PHF19: variants seen among roughly 807,000 people sequenced by gnomAD.
PHF19 encodes the protein polycomb like 3.
Under a neutral mutation model 79.8 loss-of-function variants are expected in PHF19, and 21 were observed. The observed-to-expected ratio is 0.26, with a 90% CI of 0.19 to 0.38. PHF19 has a LOEUF of 0.38. Among genes scored for constraint, PHF19 ranks in the 10% least tolerant of loss-of-function variants. The pLI, the probability that PHF19 is intolerant of heterozygous loss-of-function variation, is 1.00. For missense variants in PHF19, 445 were observed against 744.2 expected, an observed-to-expected ratio of 0.60 and a Z score of 4.68; for synonymous variants, 273 against 296.3, an observed-to-expected ratio of 0.92 and a Z score of 0.81.
At position 120,860,950 on chromosome 9, in the gene PHF19, T is replaced by G. The variant is rs2045503701; in HGVS notation, c.1304+139A>C. On this transcript the variant is annotated intron_variant, in intron 13 of 14. Coordinates refer to ENST00000373896, the MANE Select transcript of PHF19 (RefSeq NM_015651.3). The surrounding 1 kb of genome is among the most constrained non-coding windows in gnomAD (Gnocchi z 4.1). ...TGTGGTGCTCTGGGAACAGGGATGT[T>G]ATGCTGAAAGCTCTACTGCAAAAAG... 2 of 650,288 alleles carry G rather than the reference T, an allele frequency of 3.1e-6. No homozygotes were observed. The highest frequency in any genetic ancestry group is 5.7e-6 in the Non-Finnish European group (2 of 353,718). 40.3% of individuals were successfully genotyped at this position (650,288 alleles called of 1,614,324 possible).
chr9:120,875,079 G>C (rs1477695623), intron 1 of PHF19, among the ~76,000 whole-genome samples: 1 of 152,174 alleles, frequency 6.6e-6, no homozygotes, highest in Non-Finnish European at 1.5e-5. Context: ...ACCACTCCCT[G>C]TCTCAGGAGG....
At chr9:120,897,405 G>A (rs2046411491), upstream of PHF19, among the ~76,000 whole-genome samples, 2 of 152,216 alleles carry the variant, frequency 1.3e-5, no homozygotes, top group Non-Finnish European at 2.9e-5. Context: ...GTGTATGGGG[G>A]ATGATTCCTT....
At chr9:120,903,973 T>A in the PHF19 span, 1 of 152,148 alleles carries the variant, frequency 6.6e-6, no homozygotes, top group African/African-American at 2.4e-5. Flanking sequence ...TCGAAAGAGA[T>A]TCTAAAAATT....
chr9:120,889,017 C>G (rs541671055), intron 1 of PHF19, among the ~76,000 whole-genome samples: 1 of 152,276 alleles, frequency 6.6e-6, no homozygotes, highest in East Asian at 1.9e-4. Flanking sequence ...CTAGTTTTAT[C>G]CTTCCTCAAA....
chr9:120,875,168 GT>G (rs1431978422), intron 1 of PHF19, among the ~76,000 whole-genome samples: 1 of 152,134 alleles, frequency 6.6e-6, no homozygotes, highest in Non-Finnish European at 1.5e-5. Context: ...GTTGGGTTTT[GT>G]TTTTACCCCC....
chr9:120,890,100 A>C (rs569503917), intron 1 of PHF19, among the ~76,000 whole-genome samples: 3 of 152,336 alleles, frequency 2.0e-5, no homozygotes, highest in African/African-American at 7.2e-5. Context: ...CTCAGTGCCC[A>C]GTTCAAGACC....
At chr9:120,861,606 G>C (rs1342970039) in intron 12 of PHF19, among the ~76,000 whole-genome samples, 1 of 152,218 alleles carries the variant, frequency 6.6e-6, no homozygotes, top group African/African-American at 2.4e-5. Context: ...CCTGGTTCCA[G>C]GCTGGGCTCT....
rs1481068998 is a variant in PHF19 at position 120,869,677 on chromosome 9, T to A, written c.465+168A>T. 1 of 1,550,174 alleles carries A rather than the reference T, an allele frequency of 6.5e-7. No individual in the cohort carries two copies. Among genetic ancestry groups the A allele is most frequent in the African/African-American group, 1.4e-5 (1 of 73,048 alleles). On this transcript the variant is annotated intron_variant, in intron 5 of 14. Transcript: ENST00000373896. This position sits in a 1 kb window ranked among gnomAD's most constrained non-coding sequence, Gnocchi z 5.8. ...ACTTTACAGTTGAGGAAACTGAGGCTCAGGGAGTCTACAAATCCTGGCCAA... is the reference window on the plus strand; with the variant it reads ...ACTTTACAGTTGAGGAAACTGAGGCACAGGGAGTCTACAAATCCTGGCCAA...
At chr9:120,875,060 C>T (rs1247200340) in intron 1 of PHF19, among the ~76,000 whole-genome samples, 1 of 152,186 alleles carries the variant, frequency 6.6e-6, no homozygotes, top group African/African-American at 2.4e-5. Context: ...CCCTACCCAG[C>T]GGGCCTGAAC....
upstream of PHF19, among the ~76,000 whole-genome samples, chr9:120,881,174 G>A (rs1209756925): frequency 7.0e-6 from 1 of 142,686 alleles, no homozygotes; most frequent in East Asian, 2.1e-4. Context: ...TTTTGAGAGA[G>A]TCTCGCTCTG....
chr9:120,877,417 C>T (rs1210289666), upstream of PHF19: 3 of 946,964 alleles, frequency 3.2e-6, no homozygotes, highest in South Asian at 4.8e-5. Flanking sequence ...CCGCCGGGCT[C>T]CGCAGCGCCG....
upstream of PHF19, among the ~76,000 whole-genome samples, chr9:120,880,724 C>T (rs2046167581): frequency 6.6e-6 from 1 of 152,154 alleles, no homozygotes; most frequent in Admixed American, 6.5e-5. Flanking sequence ...CTTTGGGAGG[C>T]TATGGTGGGA....
At chr9:120,875,923 ACAGC>A in intron 1 of PHF19, 2 of 152,812 alleles carry the variant, frequency 1.3e-5, no homozygotes, top group Non-Finnish European at 2.9e-5. Flanking sequence ...ACAGCCACAC[ACAGC>A]CTCTCTCTTT....
the PHF19 span, among the ~76,000 whole-genome samples, chr9:120,901,616 G>A: frequency 1.3e-5 from 2 of 152,214 alleles, no homozygotes; most frequent in Non-Finnish European, 2.9e-5. Flanking sequence ...ACACCGTTGA[G>A]GGAAGGGGTT....
chr9:120,877,891 CACTG>C (rs2131576791), upstream of PHF19, among the ~76,000 whole-genome samples: 1 of 152,316 alleles, frequency 6.6e-6, no homozygotes, highest in South Asian at 2.1e-4. Context: ...AGGGGGAACA[CACTG>C]TACACAACAG....
At chr9:120,884,129 A>C (rs2046229950) in intron 1 of PHF19, among the ~76,000 whole-genome samples, 1 of 152,182 alleles carries the variant, frequency 6.6e-6, no homozygotes, top group South Asian at 2.1e-4. Flanking sequence ...ACTATTTGCG[A>C]GATATTTTGT....
At chr9:120,877,434 C>T (rs2131575471), upstream of PHF19, 2 of 733,224 alleles carry the variant, frequency 2.7e-6, no homozygotes, top group South Asian at 6.0e-5. Context: ...GCCGCCAGCC[C>T]CCGCCCGCCC....
chr9:120,861,268 G>C, intron 12 of PHF19, 94 bp from the exon 13 acceptor site: 1 of 796,606 alleles, frequency 1.3e-6, no homozygotes, highest in South Asian at 1.3e-5. Context: ...GGGCCGCTGA[G>C]GGCTGGGCCC....
Position 120,865,998 on chromosome 9 carries a change from CG to C in PHF19, c.779+29del, listed in dbSNP as rs775636963. The C allele has an allele frequency of 1.2e-4, 184 of 1,589,368 alleles. 1 individual carries two copies. Among genetic ancestry groups the C allele is most frequent in the Non-Finnish European group, 1.5e-4 (179 of 1,157,910 alleles). ...GGAGGGGAGAAGCTGGGAGGAGCAGCGGTGGTTGGACTAAGCCCCACCCTCT... is the reference window on the plus strand; with the variant it reads ...GGAGGGGAGAAGCTGGGAGGAGCAGCGTGGTTGGACTAAGCCCCACCCTCT... On this transcript the variant is annotated intron_variant, in intron 8 of 14. Transcript: ENST00000373896.
Sources: gnomAD v4.1 joint callset for allele counts (sites outside exome capture counted in the v4.1 genomes callset) on GRCh38, gnomAD v4.1.1 for gene constraint, Gnocchi (gnomAD v3.1) non-coding constraint, MANE v1.5 for transcripts, NCBI Gene and HGNC (gene_info 2026-07-23, HGNC 2026-07-21) for gene names.